Variants in CTNND2 observed in about 807,000 individuals in gnomAD.
CTNND2 encodes catenin delta 2, also known as catenin delta-2.
Under a neutral mutation model 144.4 loss-of-function variants are expected in CTNND2, and 22 were observed. The ratio of observed to expected loss-of-function variants is 0.15; its 90% confidence interval spans 0.11 to 0.22. CTNND2 has a LOEUF of 0.22. Among genes scored for constraint, CTNND2 ranks in the 10% least tolerant of loss-of-function variants. CTNND2 has a pLI of 1.00. For missense variants in CTNND2, 1,353 were observed against 1,618.8 expected (o/e 0.84, Z 2.82); for synonymous variants, 751 against 695.6 (o/e 1.08, Z -1.25).
intron 9 of CTNND2, among the ~76,000 whole-genome samples, chr5:11,299,786 C>T (rs1749394875): frequency 1.3e-5 from 2 of 152,162 alleles, no homozygotes; most frequent in African/African-American, 4.8e-5. Flanking sequence ...GGGCCAGCCA[C>T]AAAGAAGGCC....
intron 21 of CTNND2, among the ~76,000 whole-genome samples, chr5:10,978,501 G>A (rs369200746): frequency 7.1e-5 from 5 of 70,124 alleles, no homozygotes; most frequent in Non-Finnish European, 1.2e-4. Context: ...TTTTTGGGGA[G>A]GGGGGGGAAC....
At chr5:11,162,686 C>T (rs559799684) in intron 11 of CTNND2, among the ~76,000 whole-genome samples, 30 of 152,164 alleles carry the variant, frequency 2.0e-4, no homozygotes, top group Admixed American at 8.5e-4. Context: ...GGATGGAACG[C>T]GGCAGATTTT....
rs376003555 is a variant in CTNND2 at position 11,775,587 on chromosome 5, C to A, written c.38-43315G>T. On this transcript the variant is annotated intron_variant, in intron 1 of 21. Transcript: ENST00000304623. ...CCTAATGAATCAAAGTGTGCAATAT[C>A]ACAAGGAGAGCTTGCTCCTTCCCCT... 3.8e-4 allele frequency among the ~76,000 whole-genome samples: 58 copies of A among 152,284 alleles called. 1 individual carries two copies. Among genetic ancestry groups the A allele is most frequent in the East Asian group, 3.7e-3 (19 of 5,148 alleles).
At chr5:11,852,841 T>C (rs1270108105) in intron 1 of CTNND2, among the ~76,000 whole-genome samples, 1 of 152,178 alleles carries the variant, frequency 6.6e-6, no homozygotes, top group Non-Finnish European at 1.5e-5. Flanking sequence ...AAATGAACAA[T>C]AGGAAACCAA....
At chr5:11,576,734 C>G (rs1249132300) in intron 2 of CTNND2, among the ~76,000 whole-genome samples, 1 of 152,160 alleles carries the variant, frequency 6.6e-6, no homozygotes, top group African/African-American at 2.4e-5. Flanking sequence ...CATTTACCTC[C>G]TTCCTAGCAG....
chr5:11,622,713 C>T (rs1222220948), intron 2 of CTNND2, among the ~76,000 whole-genome samples: 1 of 152,122 alleles, frequency 6.6e-6, no homozygotes, highest in African/African-American at 2.4e-5. Flanking sequence ...TACCTCCATA[C>T]AAACCTGGAC....
intron 1 of CTNND2, among the ~76,000 whole-genome samples, chr5:11,809,072 G>A (rs10079104): frequency 0.1 from 15,148 of 152,076 alleles, 1,787 homozygotes; most frequent in African/African-American, 0.28. Context: ...TGAGCATTGC[G>A]CAAAATTCTA....
rs1052167406 is a variant in CTNND2 at position 11,323,182 on chromosome 5, T to G, written c.1628+23190A>C. On this transcript the variant is annotated intron_variant, in intron 9 of 21. Coordinates refer to ENST00000304623, the MANE Select transcript of CTNND2 (RefSeq NM_001332.4). ...GCTTCCCGAGCAGCCAGGACTACAG[T>G]GTGCACCACCACTGCCCAGCAAATT... Among the ~76,000 whole-genome samples, 18 of 142,782 alleles carry G rather than the reference T, an allele frequency of 1.3e-4. No individual in the cohort carries two copies. In the Admixed American group the frequency reaches 1.3e-3, roughly 10 times the overall value. 93.7% of individuals were successfully genotyped at this position (142,782 alleles called of 152,430 possible).
intron 12 of CTNND2, among the ~76,000 whole-genome samples, chr5:11,153,092 C>T (rs1234923779): frequency 2.0e-5 from 3 of 152,036 alleles, no homozygotes; most frequent in Non-Finnish European, 4.4e-5. Flanking sequence ...GGTGAAACCC[C>T]ATCTCTACTA....
At chr5:11,757,822 C>T (rs887478363) in intron 1 of CTNND2, among the ~76,000 whole-genome samples, 3 of 151,918 alleles carry the variant, frequency 2.0e-5, no homozygotes, top group African/African-American at 4.8e-5. Context: ...ACCCACTTTA[C>T]TGCAATTACA....
In CTNND2 at chr5:11,410,881, T is replaced by G. The variant is rs61749771; in HGVS notation, c.439+655A>C. On this transcript the variant is annotated intron_variant, in intron 5 of 21. Coordinates refer to ENST00000304623, the MANE Select transcript of CTNND2 (RefSeq NM_001332.4). ...GTAAAGCACTGATAGGTAATTTTTT[T>G]TTTTTTTTAAGACGGAGTCTCCTTC... is the stretch of plus-strand genomic sequence containing the variant. Among the ~76,000 whole-genome samples, 21 of 152,154 alleles carry G rather than the reference T, an allele frequency of 1.4e-4. 1 individual carries two copies. In the East Asian group the frequency reaches 4.1e-3, roughly 29 times the overall value.
At chr5:11,767,489 T>G (rs1561778637) in intron 1 of CTNND2, among the ~76,000 whole-genome samples, 2 of 152,350 alleles carry the variant, frequency 1.3e-5, no homozygotes, top group East Asian at 3.9e-4. Context: ...TGTGTCACAC[T>G]CAAGAGATGG....
At position 11,903,707 on chromosome 5, in the gene CTNND2, C is replaced by T; in HGVS notation, c.37+110G>A. 1.7e-6 allele frequency: 2 copies of T among 1,160,080 alleles called. No individual in the cohort carries two copies. The highest frequency in any genetic ancestry group is 3.3e-5 in the East Asian group (1 of 30,756). The allele number at this position is 1,160,080 out of a possible 1,614,324, so 71.9% of individuals were successfully genotyped here. On this transcript the variant is annotated intron_variant, in intron 1 of 21. Transcript: ENST00000304623. This position sits in a 1 kb window ranked among gnomAD's most constrained non-coding sequence, Gnocchi z 5.4. ...GCAGAAACCCCGCAGCAGCCGCCGCCGCCGCCTGCCGGCCGGGAGCCCAGG... is the reference window on the plus strand; with the variant it reads ...GCAGAAACCCCGCAGCAGCCGCCGCTGCCGCCTGCCGGCCGGGAGCCCAGG...
intron 9 of CTNND2, among the ~76,000 whole-genome samples, chr5:11,288,374 C>T (rs1747967447): frequency 6.6e-6 from 1 of 151,554 alleles, no homozygotes; most frequent in Non-Finnish European, 1.5e-5. Context: ...CAACTGCTAA[C>T]TAATTTTAAC....
intron 2 of CTNND2, among the ~76,000 whole-genome samples, chr5:11,710,962 G>A (rs1053744169): frequency 4.6e-5 from 7 of 152,118 alleles, no homozygotes; most frequent in African/African-American, 1.7e-4. Flanking sequence ...CACATCATTT[G>A]TACAGATAAT....
chr5:11,567,200 C>T (rs1777188551), intron 2 of CTNND2, among the ~76,000 whole-genome samples: 1 of 151,844 alleles, frequency 6.6e-6, no homozygotes, highest in Non-Finnish European at 1.5e-5. Context: ...CTCTGTCGTC[C>T]AGGTTGGAGT....
Position 11,309,085 on chromosome 5 carries a change from G to A in CTNND2, c.1628+37287C>T, listed in dbSNP as rs539344741. On this transcript the variant is annotated intron_variant, in intron 9 of 21. Coordinates refer to ENST00000304623, the MANE Select transcript of CTNND2 (RefSeq NM_001332.4). ...ACCAGTCCTGTCTTCCAACATTGGG[G>A]ATTCGAATTTGACATGAGATTTGGG... Among the ~76,000 whole-genome samples the A allele has an allele frequency of 2.0e-5, 3 of 152,356 alleles. No homozygotes were observed. In the East Asian group the frequency reaches 5.8e-4, roughly 29 times the overall value.
At chr5:11,848,787 C>T (rs1794875467) in intron 1 of CTNND2, among the ~76,000 whole-genome samples, 1 of 152,118 alleles carries the variant, frequency 6.6e-6, no homozygotes, top group Non-Finnish European at 1.5e-5. Context: ...TGACCCAAAC[C>T]TCCTAGGTCA....
At chr5:11,876,232 G>A (rs370477012) in intron 1 of CTNND2, among the ~76,000 whole-genome samples, 1 of 148,234 alleles carries the variant, frequency 6.7e-6, no homozygotes, top group Non-Finnish European at 1.5e-5. Flanking sequence ...GGAGGCGGGA[G>A]GCAGCAGGGA....
Sources: gnomAD v4.1 joint callset for allele counts (sites outside exome capture counted in the v4.1 genomes callset) on GRCh38, gnomAD v4.1.1 for gene constraint, Gnocchi (gnomAD v3.1) non-coding constraint, MANE v1.5 for transcripts, NCBI Gene and HGNC (gene_info 2026-07-23, HGNC 2026-07-21) for gene names.